MUC5AC: variants seen among roughly 807,000 people sequenced by gnomAD.
The protein encoded by MUC5AC is mucin 5AC, oligomeric mucus/gel-forming, also known as mucin-5AC.
Under a neutral mutation model 169.7 loss-of-function variants are expected in MUC5AC, and 158 were observed. The observed-to-expected ratio is 0.93, with a 90% CI of 0.82 to 1.06. The LOEUF (loss-of-function observed/expected upper bound fraction) is 1.06. Among genes scored for constraint, MUC5AC ranks in the 50% least tolerant of loss-of-function variants. MUC5AC has a pLI of 0.00. For synonymous variants in MUC5AC, 1,975 were observed against 1,237.0 expected (o/e 1.60, Z -12.52); for missense variants, 4,359 against 3,089.9 (o/e 1.41, Z -9.74).
chr11:1,177,793 C>T (rs1186230603), intron 24 of MUC5AC, among the ~76,000 whole-genome samples, 160 bp downstream of exon 24: 3 of 152,112 alleles, frequency 2.0e-5, no homozygotes, highest in Admixed American at 6.5e-5. Flanking sequence ...GCAAGGGCAG[C>T]GGGTCAGGAG....
At chr11:1,170,759 G>GCCCACTCA (rs1257193000) in intron 15 of MUC5AC, among the ~76,000 whole-genome samples, 1 of 40,032 alleles carries the variant, frequency 2.5e-5, no homozygotes, top group Non-Finnish European at 4.8e-5. Context: ...TCACTCACTC[G>GCCCACTCA]CCCACTCACC....
chr11:1,171,935 C>CACT (rs1860559476), intron 15 of MUC5AC, among the ~76,000 whole-genome samples: 12,993 of 118,684 alleles, frequency 0.11, 654 homozygotes, highest in South Asian at 0.19. Context: ...ACTCACTCAT[C>CACT]CACTCATTCA....
At position 1,186,815 on chromosome 11, in the gene MUC5AC, C is replaced by T; in HGVS notation, c.8670C>T (p.Thr2890=). 2.7e-6 allele frequency: 2 copies of T among 742,498 alleles called. No homozygotes were observed. The highest frequency in any genetic ancestry group is 2.8e-5 in the South Asian group (2 of 71,646). The allele number at this position is 742,498 out of a possible 1,614,324, so 46.0% of individuals were successfully genotyped here. Residue 2890 remains threonine (T), a synonymous_variant, in exon 31 of 49, where the codon ACC becomes ACT. Transcript: ENST00000621226. ...CTACTCCCAGCCCTGTTCCCACCAC[C>T]AGTACAACCTCTGCTCCTACAACCA... The part of the protein sequence containing the change: ...PGTTPSPVPT[T]STTSAPTTRT...
chr11:1,174,006 C>G lies in MUC5AC; in HGVS notation c.1966-490C>G, dbSNP rs1224710340. 2.0e-5 allele frequency among the ~76,000 whole-genome samples: 3 copies of G among 152,090 alleles called. No individual in the cohort carries two copies. In the East Asian group the frequency reaches 5.8e-4, roughly 29 times the overall value. ...ATTCCTTCACCTACTCATTCACTCA[C>G]TCATTCATCCACTCATTCACTCACT... On this transcript the variant is annotated intron_variant, in intron 16 of 48. Transcript: ENST00000621226.
At position 1,192,461 on chromosome 11, in the gene MUC5AC, C is replaced by G. The variant is rs1481806078; in HGVS notation, c.14316C>G (p.Ser4772=). Residue 4772 remains serine (S), a synonymous_variant, in exon 31 of 49, where the codon TCC becomes TCG. Coordinates refer to ENST00000621226, the MANE Select transcript of MUC5AC (RefSeq NM_001304359.2). ...STSVASSSVA[S]SSVAYSTQTC... The stretch of plus-strand genomic sequence containing the variant: ...CTGTGGCATCCAGCTCTGTGGCATC[C>G]AGCTCTGTGGCTTACTCCACCCAAA... The G allele has an allele frequency of 7.8e-6, 6 of 765,032 alleles. No homozygotes were observed. Among genetic ancestry groups the G allele is most frequent in the Non-Finnish European group, 1.4e-5 (6 of 417,900 alleles). 47.4% of individuals were successfully genotyped at this position (765,032 alleles called of 1,614,324 possible). A position where few individuals can be genotyped will look rare whatever the true frequency, so the allele number is the denominator to read the frequency against.
chr11:1,178,073 A>G (rs1860728626), intron 24 of MUC5AC, among the ~76,000 whole-genome samples: 1 of 152,202 alleles, frequency 6.6e-6, no homozygotes, highest in African/African-American at 2.4e-5. Flanking sequence ...TAAGGACACC[A>G]GGCATTGGAT....
intron 6 of MUC5AC, 23 bp from the exon 7 acceptor site, chr11:1,163,859 G>A (rs28707071): frequency 5.1e-6 from 8 of 1,569,322 alleles, no homozygotes; most frequent in East Asian, 2.3e-5. Flanking sequence ...TGCAGGCAGA[G>A]CCCGCCTCTG....
chr11:1,178,007 C>T (rs1222883211), intron 24 of MUC5AC, among the ~76,000 whole-genome samples: 8 of 152,168 alleles, frequency 5.3e-5, no homozygotes, highest in African/African-American at 7.2e-5. Context: ...CTTGGATCGC[C>T]GCCCCGTCTT....
rs779479519 is a variant in MUC5AC, at chr11:1,194,568, G to A, written c.15088G>A (p.Ala5030Thr). The stretch of plus-strand genomic sequence containing the variant: ...CTCGCGCATCGGCGTCAAGATGTAC[G>A]CGACCATCCCGGAGCTGGGAGTCCA... ...VVSRIGVKMYATIPELGVQVM... is the reference protein window; with the variant it reads ...VVSRIGVKMYTTIPELGVQVM... Residue 5030 changes from alanine to threonine, a missense_variant, in exon 35 of 49, where the codon GCG (alanine) becomes ACG (threonine). Ala to Thr is a moderately conservative substitution (Grantham distance 58, BLOSUM62 0). Transcript: ENST00000621226. 1.0e-5 allele frequency: 8 copies of A among 764,322 alleles called. No homozygotes were observed. Among genetic ancestry groups the A allele is most frequent in the South Asian group, 1.3e-5 (1 of 74,486 alleles). The allele number at this position is 764,322 out of a possible 1,614,324, so 47.3% of individuals were successfully genotyped here. A position where few individuals can be genotyped will look rare whatever the true frequency, so the allele number is the denominator to read the frequency against.
chr11:1,161,545 C>CGACTGTCT lies in MUC5AC; in HGVS notation c.171_178dup (p.Phe60Ter). ...TCCGCAGGGGTCCCGCTCCGTGGGG[C>CGACTGTCT]GACTGTCTTCCCATCTCTGAGGACC... On this transcript the variant is annotated frameshift_variant, in exon 3 of 49. Coordinates refer to ENST00000621226, the MANE Select transcript of MUC5AC (RefSeq NM_001304359.2). LOFTEE classifies it high-confidence loss of function. 1 of 1,608,994 alleles carries CGACTGTCT rather than the reference C, an allele frequency of 6.2e-7. No individual in the cohort carries two copies. The highest frequency in any genetic ancestry group is 1.1e-5 in the South Asian group (1 of 90,890).
In MUC5AC at chr11:1,197,245, G is replaced by A. The variant is rs578199188; in HGVS notation, c.15862-223G>A. Among the ~76,000 whole-genome samples the A allele has an allele frequency of 2.2e-4, 33 of 152,274 alleles. No homozygotes were observed. The South Asian group carries it at 6.4e-3, about 30-fold the overall frequency. On this transcript the variant is annotated intron_variant, in intron 40 of 48. Transcript: ENST00000621226. ...AGCCAAGACTGTGGAGGTGTGAGGT[G>A]GGGGGCGCAGGCCAGTCACCCCACA... is the stretch of plus-strand genomic sequence containing the variant.
At chr11:1,176,451 T>A (rs1860691861) in intron 20 of MUC5AC, 63 bp from the exon 21 acceptor site, 1 of 398,768 alleles carries the variant, frequency 2.5e-6, no homozygotes, top group Admixed American at 4.4e-5. Context: ...GAGCTGTCCC[T>A]GGGAGGACCT....
chr11:1,170,053 CCACTCACTCACCTCACTCACTCACCCACT>C (rs2133730553), intron 15 of MUC5AC, among the ~76,000 whole-genome samples: 1 of 137,348 alleles, frequency 7.3e-6, no homozygotes, highest in Non-Finnish European at 1.6e-5. Flanking sequence ...CACCCATTGC[CCACTCACTCACCTCACTCACTCACCCACT>C]CACTCACTCA....
chr11:1,180,807 C>T (rs1860800056), intron 28 of MUC5AC, among the ~76,000 whole-genome samples: 1 of 152,118 alleles, frequency 6.6e-6, no homozygotes, highest in Admixed American at 6.5e-5. Context: ...CAGGGGGAAG[C>T]TGGGCCGAGA....
rs766612222 is a variant in MUC5AC at position 1,200,694 on chromosome 11, A to G, written c.16957A>G (p.Met5653Val). 4 of 750,606 alleles carry G rather than the reference A, an allele frequency of 5.3e-6. No individual in the cohort carries two copies. The East Asian group carries it at 7.3e-5, about 14-fold the overall frequency. The allele number at this position is 750,606 out of a possible 1,614,324, so 46.5% of individuals were successfully genotyped here. Reference sequence around the variant, plus strand: ...GGAGAGAGGCGTCCCAGTGTCCCCCATGCACTGACCAGCACTGCCGCCCTC... The same window carrying G: ...GGAGAGAGGCGTCCCAGTGTCCCCCGTGCACTGACCAGCACTGCCGCCCTC... Reference protein sequence around the residue: ...SWERGVPVSPMH With the variant: ...SWERGVPVSPVH Residue 5653 changes from methionine (M) to valine (V), a missense_variant, in exon 49 of 49, where the codon ATG becomes GTG. Physicochemically the swap from Met to Val is conservative, Grantham distance 21. Coordinates refer to ENST00000621226, the MANE Select transcript of MUC5AC (RefSeq NM_001304359.2).
At position 1,161,804 on chromosome 11, in the gene MUC5AC, C is replaced by T. The variant is rs1187770346; in HGVS notation, c.212-103C>T. On this transcript the variant is annotated intron_variant, in intron 3 of 48. Coordinates refer to ENST00000621226, the MANE Select transcript of MUC5AC (RefSeq NM_001304359.2). ...TGCCCCGTCCAGGGCAGCAGCACTTCCTGCAGGACCCTGGGGAGGGGCAGG... is the reference window on the plus strand; with the variant it reads ...TGCCCCGTCCAGGGCAGCAGCACTTTCTGCAGGACCCTGGGGAGGGGCAGG... The T allele has an allele frequency of 5.4e-6, 8 of 1,475,484 alleles. No homozygotes were observed. In the African/African-American group the frequency reaches 8.4e-5, roughly 15 times the overall value. 91.4% of individuals were successfully genotyped at this position (1,475,484 alleles called of 1,614,324 possible).
At chr11:1,170,902 C>CCACT (rs1224188331) in intron 15 of MUC5AC, among the ~76,000 whole-genome samples, 1 of 146,238 alleles carries the variant, frequency 6.8e-6, no homozygotes, top group African/African-American at 2.5e-5. Flanking sequence ...ACTCACTCAC[C>CCACT]CACTCACTCA....
intron 19 of MUC5AC, among the ~76,000 whole-genome samples, chr11:1,175,841 TCA>T (rs1420175182): frequency 0.22 from 1,370 of 6,240 alleles, 101 homozygotes; most frequent in African/African-American, 0.38. Flanking sequence ...GCACACGCAC[TCA>T]CACACCCACT....
Position 1,177,632 on chromosome 11 carries a change from A to G in MUC5AC, c.3086A>G (p.Lys1029Arg), listed in dbSNP as rs974687744. The change falls in exon 24 of 49, where the codon AAG (lysine) becomes AGG (arginine). Residue 1029 changes from lysine to arginine, a missense_variant and splice_region_variant. Transcript: ENST00000621226. ...TTCATCAACCTCAGCCCCGAGTTCA[A>G]GGTGAGACCACGCCCCTCGTCCAGG... is the stretch of plus-strand genomic sequence containing the variant. The part of the protein sequence containing the change: ...SIFINLSPEF[K>R]GRVCGLCGNF... 722 of 398,714 alleles carry G rather than the reference A, an allele frequency of 1.8e-3. 10 individuals carry two copies. The highest frequency in any genetic ancestry group is 0.014 in the African/African-American group (673 of 48,746). 24.7% of individuals were successfully genotyped at this position (398,714 alleles called of 1,614,324 possible).
Sources: gnomAD v4.1 joint callset for allele counts (sites outside exome capture counted in the v4.1 genomes callset) on GRCh38, gnomAD v4.1.1 for gene constraint, MANE v1.5 for transcripts, NCBI Gene and HGNC (gene_info 2026-07-23, HGNC 2026-07-21) for gene names.